ANTXR1: variants seen among roughly 807,000 people sequenced by gnomAD.
The protein encoded by ANTXR1 is ANTXR cell adhesion molecule 1, also known as anthrax toxin receptor 1.
Under a neutral mutation model 78.1 loss-of-function variants are expected in ANTXR1, and 19 were observed. The ratio of observed to expected loss-of-function variants is 0.24; its 90% confidence interval spans 0.17 to 0.36. ANTXR1 has a LOEUF of 0.36. Among genes scored for constraint, ANTXR1 ranks in the 10% least tolerant of loss-of-function variants. The pLI is 1.00. For missense variants in ANTXR1, 518 were observed against 718.6 expected (o/e 0.72, Z 3.19); for synonymous variants, 273 against 260.5 (o/e 1.05, Z -0.46).
chr2:69,084,725 G>A (rs1000017952), intron 8 of ANTXR1, among the ~76,000 whole-genome samples: 38 of 151,006 alleles, frequency 2.5e-4, no homozygotes, highest in Admixed American at 7.3e-4. Context: ...GCCACTGCAC[G>A]TGGCCATATT....
chr2:69,059,613 G>C (rs1670171587), intron 3 of ANTXR1, among the ~76,000 whole-genome samples: 1 of 152,024 alleles, frequency 6.6e-6, no homozygotes, highest in Non-Finnish European at 1.5e-5. Flanking sequence ...TGAGTAGCTG[G>C]GATTACAGGC....
chr2:69,171,668 T>C (rs1673989193), intron 14 of ANTXR1, among the ~76,000 whole-genome samples: 1 of 152,182 alleles, frequency 6.6e-6, no homozygotes, highest in Non-Finnish European at 1.5e-5. Context: ...AAAGTGCACC[T>C]GGGGATGTAG....
chr2:69,122,238 C>G (rs1451071608), intron 10 of ANTXR1, among the ~76,000 whole-genome samples: 1 of 152,250 alleles, frequency 6.6e-6, no homozygotes, highest in Non-Finnish European at 1.5e-5. Context: ...TTCCCCATCT[C>G]TGCACAAAAG....
chr2:69,063,913 C>T (rs1407340473), intron 3 of ANTXR1, among the ~76,000 whole-genome samples: 1 of 151,638 alleles, frequency 6.6e-6, no homozygotes. Context: ...AGACATACAG[C>T]TTTATGTTTT....
At chr2:69,163,962 G>C (rs905353138) in intron 13 of ANTXR1, among the ~76,000 whole-genome samples, 3 of 152,190 alleles carry the variant, frequency 2.0e-5, no homozygotes, top group African/African-American at 7.2e-5. Flanking sequence ...CATATTTTGA[G>C]CTGGCACAGT....
At chr2:69,023,167 A>C (rs1235133227) in intron 1 of ANTXR1, among the ~76,000 whole-genome samples, 1 of 152,224 alleles carries the variant, frequency 6.6e-6, no homozygotes, top group Non-Finnish European at 1.5e-5. Flanking sequence ...TATTGTTAAT[A>C]AAATAGGCAT....
intron 8 of ANTXR1, among the ~76,000 whole-genome samples, chr2:69,088,410 C>G (rs955538612): frequency 6.6e-6 from 1 of 152,162 alleles, no homozygotes; most frequent in African/African-American, 2.4e-5. Context: ...TGTCAAATGC[C>G]TGAGGAATTT....
Position 69,211,402 on chromosome 2 carries a change from A to G in ANTXR1, c.1434+17987A>G, listed in dbSNP as rs78372441. On this transcript the variant is annotated intron_variant, in intron 17 of 17. Coordinates refer to ENST00000303714, the MANE Select transcript of ANTXR1 (RefSeq NM_032208.3). ...CAGCAGGTGTTGGGCACATCTGTGT[A>G]GACTCCACATGCATCTCTCTCTGAC... 8.7e-3 allele frequency among the ~76,000 whole-genome samples: 1,326 copies of G among 152,328 alleles called. 35 individuals carry two copies. The East Asian group carries it at 0.097, about 11-fold the overall frequency.
chr2:69,153,441 A>G (rs1673448843), intron 13 of ANTXR1, among the ~76,000 whole-genome samples: 1 of 152,136 alleles, frequency 6.6e-6, no homozygotes. Context: ...ACTTCTGGAA[A>G]GGGTTGACTT....
At chr2:69,175,621 C>G (rs931927944) in intron 14 of ANTXR1, among the ~76,000 whole-genome samples, 1 of 152,072 alleles carries the variant, frequency 6.6e-6, no homozygotes, top group Admixed American at 6.5e-5. Context: ...AAGACCCCAA[C>G]TCTTCCAAAA....
chr2:69,126,382 C>T (rs1478043532), intron 12 of ANTXR1, among the ~76,000 whole-genome samples: 1 of 152,114 alleles, frequency 6.6e-6, no homozygotes, highest in Admixed American at 6.5e-5. Flanking sequence ...GTCTGTAGGC[C>T]TCAGTAGGAC....
chr2:69,216,430 T>A (rs1675178429), intron 17 of ANTXR1, among the ~76,000 whole-genome samples: 1 of 152,106 alleles, frequency 6.6e-6, no homozygotes, highest in African/African-American at 2.4e-5. Context: ...TACATACATA[T>A]ACACACATAC....
At chr2:69,054,351 A>T (rs2104131585) in intron 3 of ANTXR1, among the ~76,000 whole-genome samples, 1 of 152,304 alleles carries the variant, frequency 6.6e-6, no homozygotes, top group South Asian at 2.1e-4. Flanking sequence ...CTAAGCATAC[A>T]TAATTCACCA....
At chr2:69,063,168 C>G (rs1482868313) in intron 3 of ANTXR1, among the ~76,000 whole-genome samples, 2 of 151,160 alleles carry the variant, frequency 1.3e-5, no homozygotes, top group Non-Finnish European at 2.9e-5. Context: ...AAACGTGATC[C>G]ACACACAGAT....
At chr2:69,150,628 G>C (rs558544319) in intron 12 of ANTXR1, among the ~76,000 whole-genome samples, 1 of 149,926 alleles carries the variant, frequency 6.7e-6, no homozygotes, top group Non-Finnish European at 1.5e-5. Context: ...GTAAATATCA[G>C]ACAGTCTTTA....
intron 11 of ANTXR1, 68 bp downstream of exon 11, chr2:69,123,154 G>A (rs1464219866): frequency 7.9e-6 from 12 of 1,519,350 alleles, no homozygotes; most frequent in African/African-American, 2.7e-5. Context: ...GGGGACAGGG[G>A]AAAAGAAAGC....
chr2:69,215,030 C>T (rs1367426446), intron 17 of ANTXR1, among the ~76,000 whole-genome samples: 1 of 152,216 alleles, frequency 6.6e-6, no homozygotes, highest in Non-Finnish European at 1.5e-5. Flanking sequence ...CGACCCACAT[C>T]TGGTCCACAA....
intron 12 of ANTXR1, among the ~76,000 whole-genome samples, chr2:69,135,413 A>T (rs1239196074): frequency 6.6e-6 from 1 of 152,190 alleles, no homozygotes; most frequent in Non-Finnish European, 1.5e-5. Flanking sequence ...AATAAATATA[A>T]TGGACCAAAC....
intron 10 of ANTXR1, among the ~76,000 whole-genome samples, chr2:69,113,607 A>C (rs1672056144): frequency 6.6e-6 from 1 of 152,108 alleles, no homozygotes; most frequent in African/African-American, 2.4e-5. Flanking sequence ...GTTTCTCTGT[A>C]AATTTGTGTC....
Sources: allele counts gnomAD v4.1 joint callset (sites outside exome capture counted in the v4.1 genomes callset), GRCh38; gene constraint gnomAD v4.1.1; transcripts MANE v1.5; gene names NCBI Gene and HGNC (gene_info 2026-07-23, HGNC 2026-07-21).